ARHGAP15: variants seen among roughly 807,000 people sequenced by gnomAD.
ARHGAP15 encodes rho GTPase-activating protein 15.
In ARHGAP15, 51 loss-of-function variants were observed where a neutral mutation model predicts 63.7. That is an observed-to-expected ratio of 0.80 (90% CI 0.64 to 1.01). The LOEUF is 1.01. ARHGAP15 is among the 50% of genes least tolerant of loss of function. The pLI, the probability that ARHGAP15 is intolerant of heterozygous loss-of-function variation, is 0.00. For synonymous variants in ARHGAP15, 191 were observed against 193.8 expected, an observed-to-expected ratio of 0.99 and a Z score of 0.12; for missense variants, 560 against 564.6, an observed-to-expected ratio of 0.99 and a Z score of 0.08.
chr2:143,765,106 AAT>A (rs1491384248), intron 13 of ARHGAP15, among the ~76,000 whole-genome samples: 150 of 116,176 alleles, frequency 1.3e-3, no homozygotes, highest in African/African-American at 5.8e-3. Flanking sequence ...TTGCCTCTAA[AAT>A]ATGTGTGTGT....
chr2:143,561,784 A>G (rs1696040263), intron 11 of ARHGAP15, among the ~76,000 whole-genome samples: 1 of 152,118 alleles, frequency 6.6e-6, no homozygotes, highest in Non-Finnish European at 1.5e-5. Flanking sequence ...ATTACAGAGT[A>G]AGCCACTGCG....
intron 12 of ARHGAP15, among the ~76,000 whole-genome samples, chr2:143,637,321 T>TAATAATA (rs1680370632): frequency 6.6e-6 from 1 of 152,144 alleles, no homozygotes; most frequent in African/African-American, 2.4e-5. Context: ...TTATTAATAT[T>TAATAATA]ATACTATTGG....
intron 13 of ARHGAP15, among the ~76,000 whole-genome samples, chr2:143,758,757 G>C (rs1027625340): frequency 6.6e-6 from 1 of 152,146 alleles, no homozygotes; most frequent in Non-Finnish European, 1.5e-5. Context: ...GCCATAACTT[G>C]ATAATCTGGT....
chr2:143,192,050 G>C lies in ARHGAP15; in HGVS notation c.166-10084G>C, dbSNP rs114875403. ...AAAGGTGTCCAAAGAAGTCTGTTCT[G>C]ATTACTGAAGATGTTGAACTAGTCT... On this transcript the variant is annotated intron_variant, in intron 2 of 13. Transcript: ENST00000295095. 9.2e-3 allele frequency among the ~76,000 whole-genome samples: 1,400 copies of C among 152,304 alleles called. 9 individuals carry two copies. The highest frequency in any genetic ancestry group is 0.014 in the Non-Finnish European group (968 of 68,016).
chr2:143,330,357 A>G (rs569944437), intron 6 of ARHGAP15, among the ~76,000 whole-genome samples: 1 of 151,956 alleles, frequency 6.6e-6, no homozygotes, highest in South Asian at 2.1e-4. Flanking sequence ...TTTTCCCATC[A>G]AATTTTAATA....
chr2:143,398,374 C>T (rs77533155), intron 6 of ARHGAP15, among the ~76,000 whole-genome samples: 173 of 152,240 alleles, frequency 1.1e-3, no homozygotes, highest in African/African-American at 3.8e-3. Flanking sequence ...TTGCTAACTC[C>T]GCTTGTTGTA....
intron 10 of ARHGAP15, among the ~76,000 whole-genome samples, chr2:143,544,789 A>AGT (rs1695257011): frequency 6.6e-6 from 1 of 152,192 alleles, no homozygotes. Flanking sequence ...ATTTAATCAC[A>AGT]GTTTAACACA....
At chr2:143,388,681 C>A (rs1687405491) in intron 6 of ARHGAP15, among the ~76,000 whole-genome samples, 1 of 152,042 alleles carries the variant, frequency 6.6e-6, no homozygotes, top group African/African-American at 2.4e-5. Context: ...CTTAATTTTT[C>A]AAATTTCTCA....
intron 10 of ARHGAP15, among the ~76,000 whole-genome samples, chr2:143,521,077 C>A (rs1035921795): frequency 6.6e-6 from 1 of 152,256 alleles, no homozygotes; most frequent in Middle Eastern, 3.4e-3. Flanking sequence ...TCACATCTAG[C>A]ATTATATTTC....
At chr2:143,576,309 C>T (rs1696679186) in intron 11 of ARHGAP15, among the ~76,000 whole-genome samples, 1 of 152,080 alleles carries the variant, frequency 6.6e-6, no homozygotes, top group African/African-American at 2.4e-5. Context: ...ATAATTTCAC[C>T]TCTTATACTA....
chr2:143,504,051 G>A (rs1396621468), intron 9 of ARHGAP15, among the ~76,000 whole-genome samples: 6 of 152,136 alleles, frequency 3.9e-5, no homozygotes, highest in Non-Finnish European at 7.4e-5. Context: ...TCTTTAAACT[G>A]AGCCTTGAAT....
intron 2 of ARHGAP15, among the ~76,000 whole-genome samples, chr2:143,186,804 G>A (rs1338201612): frequency 6.6e-6 from 1 of 152,062 alleles, no homozygotes; most frequent in Non-Finnish European, 1.5e-5. Flanking sequence ...CGTGCTTTGT[G>A]GTTTATACAC....
At chr2:143,184,778 C>T (rs1165055433) in intron 2 of ARHGAP15, among the ~76,000 whole-genome samples, 1 of 152,048 alleles carries the variant, frequency 6.6e-6, no homozygotes, top group Non-Finnish European at 1.5e-5. Context: ...AACTCCTGGG[C>T]TCAAACACTC....
chr2:143,422,086 A>G (rs1280082325), intron 6 of ARHGAP15, among the ~76,000 whole-genome samples: 2 of 152,170 alleles, frequency 1.3e-5, no homozygotes, highest in Non-Finnish European at 1.5e-5. Flanking sequence ...CAAGCTGCAT[A>G]TAAGTCTCAT....
At chr2:143,720,330 G>T (rs1277203366) in intron 13 of ARHGAP15, among the ~76,000 whole-genome samples, 1 of 152,140 alleles carries the variant, frequency 6.6e-6, no homozygotes, top group Non-Finnish European at 1.5e-5. Context: ...ACACAGATTG[G>T]AAGTCAGCCA....
intron 11 of ARHGAP15, among the ~76,000 whole-genome samples, chr2:143,567,259 T>C (rs1008934250): frequency 1.3e-5 from 2 of 152,186 alleles, no homozygotes; most frequent in African/African-American, 4.8e-5. Flanking sequence ...GTCTCCTCAG[T>C]ATCCCTAGCT....
intron 12 of ARHGAP15, among the ~76,000 whole-genome samples, chr2:143,627,043 A>G (rs1318004847): frequency 1.3e-5 from 2 of 152,198 alleles, no homozygotes; most frequent in Non-Finnish European, 2.9e-5. Flanking sequence ...TGGCACAACT[A>G]GAAGTTGCCA....
At chr2:143,419,454 G>T (rs1469773233) in intron 6 of ARHGAP15, among the ~76,000 whole-genome samples, 4 of 129,262 alleles carry the variant, frequency 3.1e-5, no homozygotes, top group African/African-American at 1.1e-4. Flanking sequence ...TGCAGCGTGG[G>T]TTTATTTAAC....
At chr2:143,144,521 C>G (rs532073092) in intron 1 of ARHGAP15, among the ~76,000 whole-genome samples, 62 of 152,012 alleles carry the variant, frequency 4.1e-4, no homozygotes, top group African/African-American at 1.4e-3. Flanking sequence ...CCCAGATTGC[C>G]TAGGAGCTCT....
Sources: allele counts gnomAD v4.1 joint callset (sites outside exome capture counted in the v4.1 genomes callset), GRCh38; gene constraint gnomAD v4.1.1; transcripts MANE v1.5; gene names NCBI Gene and HGNC (gene_info 2026-07-23, HGNC 2026-07-21).